YPEL1: variants seen among roughly 807,000 people sequenced by gnomAD.
The protein encoded by YPEL1 is protein yippee-like 1.
Under a neutral mutation model 17.3 loss-of-function variants are expected in YPEL1, and 7 were observed. That is an observed-to-expected ratio of 0.40 (90% CI 0.23 to 0.76). YPEL1 has a LOEUF of 0.76. Among genes scored for constraint, YPEL1 ranks in the 30% least tolerant of loss-of-function variants. The probability of loss-of-function intolerance (pLI) is 0.35; values close to 1 mark genes in which losing one functional copy is unlikely to be tolerated. For synonymous variants in YPEL1, 59 were observed against 59.6 expected (o/e 0.99, Z 0.05); for missense variants, 91 against 155.5 (o/e 0.59, Z 2.21).
At chr22:21,712,602 T>C (rs1241559058) in intron 1 of YPEL1, among the ~76,000 whole-genome samples, 1 of 151,642 alleles carries the variant, frequency 6.6e-6, no homozygotes, top group East Asian at 1.9e-4. Context: ...GGCGGGTGCT[T>C]GTAGTCCCAG....
At position 21,735,668 on chromosome 22, in the gene YPEL1, G is replaced by A. The variant is rs1036848046; in HGVS notation, c.-218C>T. 1 of 151,036 alleles carries A rather than the reference G, an allele frequency of 6.6e-6. No individual in the cohort carries two copies. The highest frequency in any genetic ancestry group is 1.5e-5 in the Non-Finnish European group (1 of 67,724). The allele number at this position is 151,036 out of a possible 1,614,324, so 9.4% of individuals were successfully genotyped here. ...GCAGCGCCCATCCGGCCCGGGCCCCGGTCAGCGCGGGCTCGGCTCTCAGGC... is the reference window on the plus strand; with the variant it reads ...GCAGCGCCCATCCGGCCCGGGCCCCAGTCAGCGCGGGCTCGGCTCTCAGGC... On this transcript the variant is annotated 5_prime_UTR_variant, in exon 1 of 5. Coordinates refer to ENST00000339468, the MANE Select transcript of YPEL1 (RefSeq NM_013313.5).
chr22:21,730,451 G>A (rs1468432477), intron 1 of YPEL1, among the ~76,000 whole-genome samples: 2 of 152,196 alleles, frequency 1.3e-5, no homozygotes, highest in African/African-American at 2.4e-5. Flanking sequence ...TTGAACTCCT[G>A]ACCTCAAGTG....
At chr22:21,704,103 C>G (rs1399272392) in intron 2 of YPEL1, 1 of 719,464 alleles carries the variant, frequency 1.4e-6, no homozygotes, top group African/African-American at 1.7e-5. Context: ...GCTGATTCTG[C>G]TGCGTCAACA....
At chr22:21,715,793 C>T (rs190102353) in intron 1 of YPEL1, among the ~76,000 whole-genome samples, 1,511 of 99,604 alleles carry the variant, frequency 0.015, 35 homozygotes, top group African/African-American at 0.045. Context: ...GACAGAGTTT[C>T]GCTCTTATTG....
In YPEL1 at chr22:21,703,084, C is replaced by T. The variant is rs540063230; in HGVS notation, c.270+286G>A. 4.7e-4 allele frequency among the ~76,000 whole-genome samples: 72 copies of T among 152,308 alleles called. No homozygotes were observed. Among genetic ancestry groups the T allele is most frequent in the South Asian group, 1.2e-3 (6 of 4,818 alleles). On this transcript the variant is annotated intron_variant, in intron 4 of 4. Transcript: ENST00000339468. This position sits in a 1 kb window ranked among gnomAD's most constrained non-coding sequence, Gnocchi z 6.1. ...CCACACCAGGCTCTGCTCAGCGGGC[C>T]GAGGGCGGGCTGGGTGCAGAGAGCC...
intron 1 of YPEL1, among the ~76,000 whole-genome samples, chr22:21,732,800 AAAAC>A (rs1414872556): frequency 2.6e-5 from 4 of 151,856 alleles, no homozygotes; most frequent in African/African-American, 9.7e-5. Context: ...AACAACAACA[AAAAC>A]AAACAAACAA....
In YPEL1 at chr22:21,703,609, G is replaced by C; in HGVS notation, c.162-131C>G. 1.1e-6 allele frequency: 1 copy of C among 884,026 alleles called. No homozygotes were observed. Among genetic ancestry groups the C allele is most frequent in the Non-Finnish European group, 1.7e-6 (1 of 573,936 alleles). 54.8% of individuals were successfully genotyped at this position (884,026 alleles called of 1,614,324 possible). ...AGGGAAACTCCCAGAGAGCAGTGCC[G>C]TGCCTCTCCCCCAGCCCTGCCCGCC... On this transcript the variant is annotated intron_variant, in intron 3 of 4. Coordinates refer to ENST00000339468, the MANE Select transcript of YPEL1 (RefSeq NM_013313.5). This position sits in a 1 kb window ranked among gnomAD's most constrained non-coding sequence, Gnocchi z 6.1.
chr22:21,701,295 C>T (rs1022226462), intron 4 of YPEL1, 77 bp from the exon 5 acceptor site: 53 of 1,056,700 alleles, frequency 5.0e-5, no homozygotes, highest in Admixed American at 1.2e-4. Context: ...GCAAAAACCC[C>T]CCCCAAGTCT....
Position 21,721,128 on chromosome 22 carries a change from G to T in YPEL1, c.-164-10220C>A, listed in dbSNP as rs528296388. Reference sequence around the variant, plus strand: ...ACCTGGCCAACATTTTGGGTTTTTTGGGGGGGGGAGGGGAGGACAGAGTCT... The same window carrying T: ...ACCTGGCCAACATTTTGGGTTTTTTTGGGGGGGGAGGGGAGGACAGAGTCT... On this transcript the variant is annotated intron_variant, in intron 1 of 4. Coordinates refer to ENST00000339468, the MANE Select transcript of YPEL1 (RefSeq NM_013313.5). Among the ~76,000 whole-genome samples the T allele has an allele frequency of 1.4e-3, 210 of 146,694 alleles. 3 individuals carry two copies. The East Asian group carries it at 0.017, about 12-fold the overall frequency.
chr22:21,710,835 G>A lies in YPEL1; in HGVS notation c.-91C>T, dbSNP rs548704786. On this transcript the variant is annotated 5_prime_UTR_variant, in exon 2 of 5. Transcript: ENST00000339468. ...TCTGACAAAAGCAACACTGGAAAATGCACGCAAGAGCCGTCGTTGTCCAGG... is the reference window on the plus strand; with the variant it reads ...TCTGACAAAAGCAACACTGGAAAATACACGCAAGAGCCGTCGTTGTCCAGG... The A allele has an allele frequency of 1.1e-4, 124 of 1,133,980 alleles. No homozygotes were observed. Among genetic ancestry groups the A allele is most frequent in the Non-Finnish European group, 1.3e-4 (100 of 745,120 alleles). 70.2% of individuals were successfully genotyped at this position (1,133,980 alleles called of 1,614,324 possible). A position where few individuals can be genotyped will look rare whatever the true frequency, so the allele number is the denominator to read the frequency against.
In YPEL1 at chr22:21,698,609, AGGG is replaced by A. The variant is rs1225390632; in HGVS notation, c.*2517_*2519del. On this transcript the variant is annotated 3_prime_UTR_variant, in exon 5 of 5. Transcript: ENST00000339468. The stretch of plus-strand genomic sequence containing the variant: ...AGGAATGAAGACTCACTCAAAGGGA[AGGG>A]TCAGTTTAAGATAAGTTTTCAGTGA... 2 of 152,348 alleles carry A rather than the reference AGGG, an allele frequency of 1.3e-5. No homozygotes were observed. The highest frequency in any genetic ancestry group is 2.9e-5 in the Non-Finnish European group (2 of 68,044). 9.4% of individuals were successfully genotyped at this position (152,348 alleles called of 1,614,324 possible). A position where few individuals can be genotyped will look rare whatever the true frequency, so the allele number is the denominator to read the frequency against.
intron 1 of YPEL1, among the ~76,000 whole-genome samples, chr22:21,729,442 TAAA>T (rs35544773): frequency 4.6e-5 from 6 of 130,044 alleles, no homozygotes; most frequent in East Asian, 2.3e-4. Context: ...CCCCCATCTC[TAAA>T]AAAAAAAAAA....
Position 21,701,229 on chromosome 22 carries a change from A to G in YPEL1, c.271-11T>C. ...CTCAAAGGCATGCTCCTTGAAAAAG[A>G]AGAGACAAAGGTTTCAGGACAGAAG... On this transcript the variant is annotated splice_polypyrimidine_tract_variant and intron_variant, in intron 4 of 4. Transcript: ENST00000339468. 6.2e-7 allele frequency: 1 copy of G among 1,608,286 alleles called. No homozygotes were observed. Among genetic ancestry groups the G allele is most frequent in the Non-Finnish European group, 8.5e-7 (1 of 1,175,208 alleles).
chr22:21,713,722 G>C (rs896043825), intron 1 of YPEL1, among the ~76,000 whole-genome samples: 2 of 152,112 alleles, frequency 1.3e-5, no homozygotes, highest in Admixed American at 1.3e-4. Context: ...GGTTAAGATG[G>C]TAAGAGTTAT....
At chr22:21,732,314 T>C (rs939102001) in intron 1 of YPEL1, among the ~76,000 whole-genome samples, 4 of 152,174 alleles carry the variant, frequency 2.6e-5, no homozygotes, top group Non-Finnish European at 5.9e-5. Flanking sequence ...AAATTCCCAC[T>C]CCCTAGAGCT....
At chr22:21,704,395 G>A (rs756222443) in intron 2 of YPEL1, among the ~76,000 whole-genome samples, 2 of 152,170 alleles carry the variant, frequency 1.3e-5, no homozygotes, top group Non-Finnish European at 2.9e-5. Context: ...GGCGGCTCAC[G>A]CCTGTAATCC....
rs550878201 is a variant in YPEL1, at chr22:21,727,953, G to A, written c.-165+7662C>T. ...CTCAGGCAGATACGGAAGCCAGTGC[G>A]TCAGGGTCAGAGGCTGCAAAGCTGG... On this transcript the variant is annotated intron_variant, in intron 1 of 4. Coordinates refer to ENST00000339468, the MANE Select transcript of YPEL1 (RefSeq NM_013313.5). Among the ~76,000 whole-genome samples, 7 of 152,310 alleles carry A rather than the reference G, an allele frequency of 4.6e-5. No homozygotes were observed. In the East Asian group the frequency reaches 5.8e-4, roughly 13 times the overall value.
chr22:21,721,952 T>C (rs1475661000), intron 1 of YPEL1, among the ~76,000 whole-genome samples: 2 of 152,222 alleles, frequency 1.3e-5, no homozygotes, highest in African/African-American at 4.8e-5. Flanking sequence ...AGATACCTCA[T>C]GTAAGCAGAA....
rs542863638 is a variant in YPEL1 at position 21,734,749 on chromosome 22, C to T, written c.-165+866G>A. On this transcript the variant is annotated intron_variant, in intron 1 of 4. Transcript: ENST00000339468. ...GCAGGGGCTCAGCAAACATTTGTCA[C>T]ATCTATAGCTTGCTCAGGTGAGGTG... is the stretch of plus-strand genomic sequence containing the variant. Among the ~76,000 whole-genome samples the T allele has an allele frequency of 4.6e-5, 7 of 152,318 alleles. No individual in the cohort carries two copies. In the South Asian group the frequency reaches 1.2e-3, roughly 27 times the overall value.
Sources: gnomAD v4.1 joint callset for allele counts (sites outside exome capture counted in the v4.1 genomes callset) on GRCh38, gnomAD v4.1.1 for gene constraint, Gnocchi (gnomAD v3.1) non-coding constraint, MANE v1.5 for transcripts, NCBI Gene and HGNC (gene_info 2026-07-23, HGNC 2026-07-21) for gene names.